SEMA3B: variants seen among roughly 807,000 people sequenced by gnomAD.
The protein encoded by SEMA3B is semaphorin 3B.
In SEMA3B, 71 loss-of-function variants were observed where a neutral mutation model predicts 77.8. The ratio of observed to expected loss-of-function variants is 0.91; its 90% confidence interval spans 0.75 to 1.11. SEMA3B has a LOEUF of 1.11. SEMA3B is among the 50% of genes most tolerant of loss of function. The pLI is 0.00. For missense variants in SEMA3B, 968 were observed against 1,056.8 expected (o/e 0.92, Z 1.17); for synonymous variants, 470 against 452.9 (o/e 1.04, Z -0.48).
chr3:50,275,018 G>A lies in SEMA3B; in HGVS notation c.1456G>A (p.Ala486Thr). 2 of 1,594,146 alleles carry A rather than the reference G, an allele frequency of 1.3e-6. No homozygotes were observed. Among genetic ancestry groups the A allele is most frequent in the East Asian group, 2.2e-5 (1 of 44,486 alleles). Residue 486 changes from alanine to threonine, a missense_variant, in exon 13 of 17, where the codon GCC becomes ACC. Coordinates refer to ENST00000616701, the MANE Select transcript of SEMA3B (RefSeq NM_001290060.2). The surrounding 1 kb of genome is among the most constrained non-coding windows in gnomAD (Gnocchi z 7.5). The part of the protein sequence containing the change: ...LEELHVFEDS[A>T]AVTSMQISSK... ...CGCCCCTCCTCCCTCTCAGGACTCG[G>A]CCGCTGTCACCAGCATGCAAATTTC...
intron 6 of SEMA3B, among the ~76,000 whole-genome samples, chr3:50,272,101 A>G (rs1256943274): frequency 6.6e-6 from 1 of 151,904 alleles, no homozygotes; most frequent in Non-Finnish European, 1.5e-5. Context: ...ACAAAGCAAG[A>G]CAAAAAATAA....
rs1553705150 is a variant in SEMA3B at position 50,270,429 on chromosome 3, A to G, written c.268-4A>G. Reference sequence around the variant, plus strand: ...GTGTCCCCTCTCCCCCAACCTCCCGATAGCTGGCCTGGCCGGCCCCTGTGG... The same window carrying G: ...GTGTCCCCTCTCCCCCAACCTCCCGGTAGCTGGCCTGGCCGGCCCCTGTGG... On this transcript the variant is annotated splice_polypyrimidine_tract_variant and splice_region_variant and intron_variant, in intron 2 of 16. Transcript: ENST00000616701. The surrounding 1 kb of genome is among the most constrained non-coding windows in gnomAD (Gnocchi z 4.7). The G allele has an allele frequency of 1.9e-6, 3 of 1,613,604 alleles. No individual in the cohort carries two copies. Among genetic ancestry groups the G allele is most frequent in the Admixed American group, 1.7e-5 (1 of 60,000 alleles).
In SEMA3B at chr3:50,273,961, G is replaced by C. The variant is rs1462776796; in HGVS notation, c.1041G>C (p.Val347=). 13 of 1,613,574 alleles carry C rather than the reference G, an allele frequency of 8.1e-6. No homozygotes were observed. In the Admixed American group the frequency reaches 2.0e-4, roughly 25 times the overall value. ...SAVCVYSMND[V]RRAFLGPFAH... ...TGTGCGTGTACAGCATGAACGACGT[G>C]CGCCGGGCCTTCTTGGGACCCTTTG... The change falls in exon 10 of 17, where the codon GTG becomes GTC. Residue 347 remains valine, a synonymous_variant. Coordinates refer to ENST00000616701, the MANE Select transcript of SEMA3B (RefSeq NM_001290060.2). This position sits in a 1 kb window ranked among gnomAD's most constrained non-coding sequence, Gnocchi z 6.5.
chr3:50,265,725 C>T (rs141381599), upstream of SEMA3B, among the ~76,000 whole-genome samples: 292 of 152,296 alleles, frequency 1.9e-3, 1 homozygote, highest in Middle Eastern at 3.4e-3. Flanking sequence ...CCAGAATCCT[C>T]GAGGAGTTCC....
Position 50,275,960 on chromosome 3 carries a change from G to C in SEMA3B, c.1845+116G>C, listed in dbSNP as rs2109250517. The C allele has an allele frequency of 3.7e-6, 5 of 1,350,424 alleles. No homozygotes were observed. The South Asian group carries it at 7.6e-5, about 20-fold the overall frequency. The allele number at this position is 1,350,424 out of a possible 1,614,324, so 83.7% of individuals were successfully genotyped here. A position where few individuals can be genotyped will look rare whatever the true frequency, so the allele number is the denominator to read the frequency against. On this transcript the variant is annotated intron_variant, in intron 16 of 16. Transcript: ENST00000616701. The surrounding 1 kb of genome is among the most constrained non-coding windows in gnomAD (Gnocchi z 7.5). ...CCAGACCCACTCCCCGCCCTGTCCA[G>C]TTTGGTCCCTCACCTGCACTCCACA...
At chr3:50,272,628 T>C (rs1701082220) in intron 6 of SEMA3B, among the ~76,000 whole-genome samples, 1 of 151,750 alleles carries the variant, frequency 6.6e-6, no homozygotes, top group Non-Finnish European at 1.5e-5. Flanking sequence ...GGAGAATCGC[T>C]TGAACCTAGG....
Position 50,275,396 on chromosome 3 carries a change from C to T in SEMA3B, c.1586C>T (p.Ala529Val). The change falls in exon 14 of 17, where the codon GCG (alanine) becomes GTG (valine). Residue 529 changes from alanine (A) to valine (V), a missense_variant. Coordinates refer to ENST00000616701, the MANE Select transcript of SEMA3B (RefSeq NM_001290060.2). The surrounding 1 kb of genome is among the most constrained non-coding windows in gnomAD (Gnocchi z 7.5). ...CGCGTCTGCACCGAATGCTGTCTGGCGCGTGACCCCTACTGCGCCTGGGAC... is the reference window on the plus strand; with the variant it reads ...CGCGTCTGCACCGAATGCTGTCTGGTGCGTGACCCCTACTGCGCCTGGGAC... ...HGRVCTECCLARDPYCAWDGV... is the reference protein window; with the variant it reads ...HGRVCTECCLVRDPYCAWDGV... The T allele has an allele frequency of 6.3e-7, 1 of 1,594,488 alleles. No individual in the cohort carries two copies. The highest frequency in any genetic ancestry group is 8.5e-7 in the Non-Finnish European group (1 of 1,171,266).
chr3:50,268,163 G>A (rs587711348), upstream of SEMA3B, among the ~76,000 whole-genome samples: 9 of 152,304 alleles, frequency 5.9e-5, no homozygotes, highest in East Asian at 1.7e-3. Flanking sequence ...ATGAAGGGCT[G>A]CCTCACCTTG....
At position 50,275,227 on chromosome 3, in the gene SEMA3B, A is replaced by G. The variant is rs1575473904; in HGVS notation, c.1492-75A>G. On this transcript the variant is annotated intron_variant, in intron 13 of 16. Transcript: ENST00000616701. This position sits in a 1 kb window ranked among gnomAD's most constrained non-coding sequence, Gnocchi z 7.5. ...TCAGTGTTCCCATCTGTCGAGTGGA[A>G]GAAGGGATCCCTGACCGATGGGAGG... 5 of 1,467,242 alleles carry G rather than the reference A, an allele frequency of 3.4e-6. No homozygotes were observed. The highest frequency in any genetic ancestry group is 2.7e-5 in the South Asian group (2 of 73,070). The allele number at this position is 1,467,242 out of a possible 1,614,324, so 90.9% of individuals were successfully genotyped here.
At chr3:50,260,239 T>A in the SEMA3B span, 1 of 152,224 alleles carries the variant, frequency 6.6e-6, no homozygotes, top group Non-Finnish European at 1.5e-5. Context: ...CAAAGGCAGC[T>A]TTGTGAGGCG....
rs1701026694 is a variant in SEMA3B, at chr3:50,270,821, GCCA to G, written c.331-67_331-65del. 1 of 1,544,934 alleles carries G rather than the reference GCCA, an allele frequency of 6.5e-7. No individual in the cohort carries two copies. Among genetic ancestry groups the G allele is most frequent in the African/African-American group, 1.4e-5 (1 of 73,032 alleles). ...GCCGAAGAGAGGGAGGGGTGAGGAT[GCCA>G]CTGGTGAGCTGGGACCTCTTAAGGC... is the stretch of plus-strand genomic sequence containing the variant. On this transcript the variant is annotated intron_variant, in intron 3 of 16. Transcript: ENST00000616701. This position sits in a 1 kb window ranked among gnomAD's most constrained non-coding sequence, Gnocchi z 4.7.
rs587693386 is a variant in SEMA3B at position 50,273,241 on chromosome 3, T to A, written c.665-57T>A. The A allele has an allele frequency of 4.2e-5, 65 of 1,564,836 alleles. No homozygotes were observed. In the East Asian group the frequency reaches 1.4e-3, roughly 34 times the overall value. On this transcript the variant is annotated intron_variant, in intron 6 of 16. Coordinates refer to ENST00000616701, the MANE Select transcript of SEMA3B (RefSeq NM_001290060.2). The surrounding 1 kb of genome is among the most constrained non-coding windows in gnomAD (Gnocchi z 6.5). Reference sequence around the variant, plus strand: ...ACGGGAAGGGGAAGCAGCGCGTGGGTCTCGCATCAGGAGGCAAGGCCAGGA... The same window carrying A: ...ACGGGAAGGGGAAGCAGCGCGTGGGACTCGCATCAGGAGGCAAGGCCAGGA...
rs782417003 is a variant in SEMA3B, at chr3:50,274,021, A to AT, written c.1102dup (p.Tyr368LeufsTer75). ...AGGGGCCCATGCACCAGTGGGTGTCATACCAGGGTCGCGTCCCCTACCCGC... is the reference window on the plus strand; with the variant it reads ...AGGGGCCCATGCACCAGTGGGTGTCATTACCAGGGTCGCGTCCCCTACCCGC... On this transcript the variant is annotated frameshift_variant, in exon 10 of 17. Transcript: ENST00000616701. LOFTEE classifies it high-confidence loss of function. This position sits in a 1 kb window ranked among gnomAD's most constrained non-coding sequence, Gnocchi z 4.7. 3 of 1,613,508 alleles carry AT rather than the reference A, an allele frequency of 1.9e-6. No homozygotes were observed. The South Asian group carries it at 3.3e-5, about 18-fold the overall frequency.
chr3:50,274,510 A>G lies in SEMA3B; in HGVS notation c.1285A>G (p.Thr429Ala), dbSNP rs782407487. The stretch of plus-strand genomic sequence containing the variant: ...TTTCCTACAAGTTGGAGCCAATTAC[A>G]CCTTCACTCAAATTGCCGCGGACCG... Reference protein sequence around the residue: ...PLFLQVGANYTFTQIAADRVA... With the variant: ...PLFLQVGANYAFTQIAADRVA... The change falls in exon 11 of 17, where the codon ACC becomes GCC. Residue 429 changes from threonine to alanine, a missense_variant. Physicochemically the swap from Thr to Ala is moderately conservative, Grantham distance 58. Coordinates refer to ENST00000616701, the MANE Select transcript of SEMA3B (RefSeq NM_001290060.2). The surrounding 1 kb of genome is among the most constrained non-coding windows in gnomAD (Gnocchi z 4.7). The G allele has an allele frequency of 6.4e-7, 1 of 1,567,274 alleles. No individual in the cohort carries two copies. Among genetic ancestry groups the G allele is most frequent in the South Asian group, 1.2e-5 (1 of 83,284 alleles).
In SEMA3B at chr3:50,276,615, C is replaced by T. The variant is rs1413781703; in HGVS notation, c.2159C>T (p.Pro720Leu). 1.3e-6 allele frequency: 2 copies of T among 1,589,814 alleles called. No homozygotes were observed. The highest frequency in any genetic ancestry group is 4.6e-5 in the East Asian group (2 of 43,698). Residue 720 changes from proline to leucine, a missense_variant, in exon 17 of 17, where the codon CCC becomes CTC. By Grantham distance (98) the Pro-to-Leu change is moderately conservative. Transcript: ENST00000616701. This position sits in a 1 kb window ranked among gnomAD's most constrained non-coding sequence, Gnocchi z 5.8. ...CRPQPALQSL[P>L]LESRRKGRNR... ...CCGCAGCCTGCGCTGCAGTCACTGC[C>T]CCTGGAGTCGCGGAGAAAGGGCCGT... is the stretch of plus-strand genomic sequence containing the variant.
the SEMA3B span, chr3:50,260,344 G>A: frequency 6.6e-6 from 1 of 152,294 alleles, no homozygotes; most frequent in Non-Finnish European, 1.5e-5. Flanking sequence ...GAGGGTTGGA[G>A]GGTTGAGCCA....
In SEMA3B at chr3:50,273,478, C is replaced by G; in HGVS notation, c.810+35C>G. The G allele has an allele frequency of 6.2e-7, 1 of 1,609,930 alleles. No individual in the cohort carries two copies. The highest frequency in any genetic ancestry group is 8.5e-7 in the Non-Finnish European group (1 of 1,177,114). On this transcript the variant is annotated intron_variant, in intron 7 of 16. Coordinates refer to ENST00000616701, the MANE Select transcript of SEMA3B (RefSeq NM_001290060.2). The surrounding 1 kb of genome is among the most constrained non-coding windows in gnomAD (Gnocchi z 6.5). Reference sequence around the variant, plus strand: ...CCCTGGGCCACACCCGGCGACCCTGCCCCTACCCCTTTGCCTGCCCTGGTC... The same window carrying G: ...CCCTGGGCCACACCCGGCGACCCTGGCCCTACCCCTTTGCCTGCCCTGGTC...
upstream of SEMA3B, chr3:50,269,118 C>A (rs587769670): frequency 3.1e-5 from 22 of 713,032 alleles, no homozygotes; most frequent in South Asian, 1.3e-4. This position sits in a 1 kb window ranked among gnomAD's most constrained non-coding sequence, Gnocchi z 4.0. Flanking sequence ...GGACTCCCCC[C>A]CTAGCCTCCC....
Position 50,270,966 on chromosome 3 carries a change from T to A in SEMA3B, c.407T>A (p.Phe136Tyr). Residue 136 changes from phenylalanine (F) to tyrosine (Y), a missense_variant, in exon 4 of 17, where the codon TTC (phenylalanine) becomes TAC (tyrosine). Transcript: ENST00000616701. This position sits in a 1 kb window ranked among gnomAD's most constrained non-coding sequence, Gnocchi z 4.7. ...TTGCTGGCCTGTGGCACGGGAGCCT[T>A]CCACCCAACCTGTGCCTTTGTGGAA... ...THLLACGTGAFHPTCAFVEVG... is the reference protein window; with the variant it reads ...THLLACGTGAYHPTCAFVEVG... 6.2e-7 allele frequency: 1 copy of A among 1,611,120 alleles called. No homozygotes were observed. Among genetic ancestry groups the A allele is most frequent in the Non-Finnish European group, 8.5e-7 (1 of 1,178,714 alleles).
Sources: allele counts gnomAD v4.1 joint callset (sites outside exome capture counted in the v4.1 genomes callset), GRCh38; gene constraint gnomAD v4.1.1; non-coding constraint Gnocchi (gnomAD v3.1); transcripts MANE v1.5; gene names NCBI Gene and HGNC (gene_info 2026-07-23, HGNC 2026-07-21).